The following MCF2 variants were observed in gnomAD, a reference collection of about 807,000 sequenced individuals.
MCF2 encodes proto-oncogene DBL.
MCF2 carries 44 observed loss-of-function variants against 82.5 expected under a neutral mutation model. That is an observed-to-expected ratio of 0.53 (90% CI 0.42 to 0.69). MCF2 has a LOEUF of 0.69. Ranked by LOEUF, MCF2 falls within the 30% of genes least tolerant of loss-of-function variation. The pLI, the probability that MCF2 is intolerant of heterozygous loss-of-function variation, is 0.00. For synonymous variants in MCF2, 217 were observed against 224.9 expected (o/e 0.96, Z 0.32); for missense variants, 623 against 663.1 (o/e 0.94, Z 0.66).
intron 1 of MCF2, among the ~76,000 whole-genome samples, chrX:139,670,197 T>TGAGA (rs1934642023): frequency 9.0e-6 from 1 of 110,933 alleles, no homozygotes; most frequent in Non-Finnish European, 1.9e-5. Context: ...AAGAAAAAAA[T>TGAGA]ACCAAAAACA....
intron 1 of MCF2, among the ~76,000 whole-genome samples, chrX:139,655,598 G>T (rs1280266664): frequency 9.0e-6 from 1 of 111,150 alleles, no homozygotes; most frequent in Non-Finnish European, 1.9e-5. Flanking sequence ...GTATACATGT[G>T]CCATGTTGGT....
chrX:139,597,363 AT>A (rs1393382281), intron 18 of MCF2, 96 bp downstream of exon 22: 26 of 652,268 alleles, frequency 4.0e-5, no homozygotes, highest in Non-Finnish European at 5.8e-5. Context: ...CAGTTATCTG[AT>A]TCTTATACGT....
chrX:139,651,652 T>C (rs1263197018), intron 2 of MCF2, 68 bp downstream of exon 2: 3 of 617,037 alleles, frequency 4.9e-6, no homozygotes, highest in Non-Finnish European at 5.1e-6. Flanking sequence ...ATTTATATAA[T>C]AGGTACCAAA....
At chrX:139,672,810 C>T (rs1267677616) in intron 1 of MCF2, among the ~76,000 whole-genome samples, 3 of 111,899 alleles carry the variant, frequency 2.7e-5, no homozygotes, top group Non-Finnish European at 5.6e-5. Context: ...GCTTTGGTAT[C>T]AGGATGATGC....
chrX:139,696,091 A>G (rs759276556), intron 1 of MCF2, among the ~76,000 whole-genome samples: 24 of 111,776 alleles, frequency 2.1e-4, no homozygotes, highest in Non-Finnish European at 5.6e-5. Flanking sequence ...TTTGGAAATA[A>G]GGCCCTTTGG....
chrX:139,699,538 C>G (rs1315274589), intron 1 of MCF2, among the ~76,000 whole-genome samples: 1 of 112,129 alleles, frequency 8.9e-6, no homozygotes, highest in Non-Finnish European at 1.9e-5. Flanking sequence ...TAGGAAACCA[C>G]TAATCTATTT....
chrX:139,632,253 G>T, intron 2 of MCF2, 82 bp downstream of exon 5: 1 of 759,501 alleles, frequency 1.3e-6, no homozygotes, highest in Non-Finnish European at 1.8e-6. Flanking sequence ...AATGACACAT[G>T]GGCACATGTA....
chrX:139,616,741 A>G (rs1931944355), intron 8 of MCF2, among the ~76,000 whole-genome samples: 1 of 111,405 alleles, frequency 9.0e-6, no homozygotes, highest in Admixed American at 9.6e-5. Flanking sequence ...CATTTATTTC[A>G]CAACAACTAA....
chrX:139,642,877 C>T (rs1933657490), exon 1 of MCF2: 2 of 880,539 alleles, frequency 2.3e-6, no homozygotes, highest in Non-Finnish European at 2.8e-6. Flanking sequence ...AACCAGCTCT[C>T]TTCCTAGGAG....
At chrX:139,642,875 C>T (rs765203460) in exon 1 of MCF2, 7 of 885,607 alleles carry the variant, frequency 7.9e-6, no homozygotes, top group Non-Finnish European at 9.7e-6. Flanking sequence ...AAAACCAGCT[C>T]TCTTCCTAGG....
chrX:139,686,163 A>C (rs1935119547), intron 1 of MCF2, among the ~76,000 whole-genome samples: 1 of 111,032 alleles, frequency 9.0e-6, no homozygotes, highest in Admixed American at 9.6e-5. Context: ...AGCCGACATC[A>C]CACTGAATGG....
chrX:139,643,575 G>A (rs1356371277), upstream of MCF2, among the ~76,000 whole-genome samples: 2 of 111,032 alleles, frequency 1.8e-5, no homozygotes, highest in East Asian at 5.7e-4. Flanking sequence ...GTCAGAATCT[G>A]TACCCCTCCC....
At chrX:139,606,237 A>C (rs1242252767) in intron 12 of MCF2, among the ~76,000 whole-genome samples, 1 of 109,705 alleles carries the variant, frequency 9.1e-6, no homozygotes, top group African/African-American at 3.3e-5. Context: ...AAAAATAAGT[A>C]TTAGCATTTT....
chrX:139,642,529 C>T (rs775515900), exon 1 of MCF2: 30 of 1,208,678 alleles, frequency 2.5e-5, no homozygotes, highest in East Asian at 1.8e-4. Flanking sequence ...TTCGCCTGTA[C>T]GCAATTACAC....
At chrX:139,652,074 G>A (rs1272503063) in intron 1 of MCF2, among the ~76,000 whole-genome samples, 1 of 111,841 alleles carries the variant, frequency 8.9e-6, no homozygotes, top group African/African-American at 3.2e-5. Context: ...ACAAACTCCA[G>A]GACATTCGGA....
chrX:139,614,646 G>A (rs1292654889), intron 10 of MCF2, among the ~76,000 whole-genome samples: 1 of 110,839 alleles, frequency 9.0e-6, no homozygotes, highest in East Asian at 2.9e-4. Context: ...CAAGGCTGGA[G>A]TACTCAGTAC....
At chrX:139,595,689 G>A (rs185760297) in intron 19 of MCF2, among the ~76,000 whole-genome samples, 1,666 of 107,142 alleles carry the variant, frequency 0.016, 32 homozygotes, top group African/African-American at 0.054. Context: ...TAACTAACCT[G>A]CACATTGTGC....
intron 1 of MCF2, among the ~76,000 whole-genome samples, chrX:139,693,787 G>C (rs1459655397): frequency 1.8e-5 from 2 of 111,075 alleles, no homozygotes; most frequent in African/African-American, 6.6e-5. Context: ...CACAAATGAG[G>C]GGTAGTCTAT....
rs780657611 is a variant in MCF2 at position 139,642,387 on chromosome X, T to A, written c.51+81A>T. The A allele has an allele frequency of 1.0e-5, 12 of 1,163,845 alleles. No individual in the cohort carries two copies. In the South Asian group the frequency reaches 2.2e-4, roughly 21 times the overall value. On this transcript the variant is annotated intron_variant, in intron 1 of 24. Transcript: ENST00000370576. ...GTCCTTAAAAACCCTACTCAGCAGT[T>A]TGTGCTATAGCACCATGCTGCAGCA...
Sources: gnomAD v4.1 joint callset for allele counts (sites outside exome capture counted in the v4.1 genomes callset) on GRCh38, gnomAD v4.1.1 for gene constraint, MANE v1.5 for transcripts, NCBI Gene and HGNC (gene_info 2026-07-23, HGNC 2026-07-21) for gene names.